Variants in RBM27 observed in about 807,000 individuals in gnomAD.
RBM27 encodes the protein RNA binding motif protein 27, also known as RNA-binding protein 27.
Under a neutral mutation model 135.3 loss-of-function variants are expected in RBM27, and 22 were observed. The observed-to-expected ratio is 0.16, with a 90% confidence interval of 0.12 to 0.23. RBM27 has a LOEUF of 0.23. Among genes scored for constraint, RBM27 ranks in the 10% least tolerant of loss-of-function variants. The pLI is 1.00. For missense variants in RBM27, 1,009 were observed against 1,281.0 expected (o/e 0.79, Z 3.24); for synonymous variants, 481 against 442.4 (o/e 1.09, Z -1.10).
At chr5:146,243,080 A>G (rs1757475902) in intron 8 of RBM27, among the ~76,000 whole-genome samples, 1 of 151,906 alleles carries the variant, frequency 6.6e-6, no homozygotes, top group Non-Finnish European at 1.5e-5. Context: ...AGCGTGGTCA[A>G]CATGGTGAAA....
At chr5:146,206,724 G>C (rs970733092) in intron 1 of RBM27, among the ~76,000 whole-genome samples, 2 of 151,984 alleles carry the variant, frequency 1.3e-5, no homozygotes, top group African/African-American at 4.8e-5. Flanking sequence ...GGGATTACAG[G>C]CACTTGCCAC....
intron 12 of RBM27, 198 bp from the exon 13 acceptor site, chr5:146,261,311 AC>A: frequency 3.3e-6 from 2 of 608,882 alleles, no homozygotes; most frequent in Non-Finnish European, 5.8e-6. Flanking sequence ...GGCCACCGAT[AC>A]TATTCATTAG....
intron 8 of RBM27, among the ~76,000 whole-genome samples, chr5:146,240,090 A>G (rs1486685125): frequency 2.6e-5 from 4 of 151,918 alleles, no homozygotes; most frequent in South Asian, 2.1e-4. Flanking sequence ...AACTCTTTCA[A>G]TAGTCTACCT....
chr5:146,271,507 G>T lies in RBM27; in HGVS notation c.2821G>T (p.Val941Leu), dbSNP rs764117376. The T allele has an allele frequency of 6.2e-7, 1 of 1,613,132 alleles. No homozygotes were observed. Among genetic ancestry groups the T allele is most frequent in the Admixed American group, 1.7e-5 (1 of 59,984 alleles). The change falls in exon 19 of 21, where the codon GTG (valine) becomes TTG (leucine). Residue 941 changes from valine (V) to leucine (L), a missense_variant. Physicochemically the swap from Val to Leu is conservative, Grantham distance 32. Around this residue, in one of 6 missense-constraint regions of RBM27, gnomAD observed 355 missense variants for 427.3 expected, o/e 0.83. Transcript: ENST00000265271. ...GGCTGCACGGTTAGGTATTTTACCT[G>T]TGGGTCGAGGAAAGACCATGTCCTC... The part of the protein sequence containing the change: ...VEAARLGILP[V>L]GRGKTMSSQG...
chr5:146,237,442 T>C lies in RBM27; in HGVS notation c.1279+10T>C, dbSNP rs1757217547. The C allele has an allele frequency of 6.2e-7, 1 of 1,613,640 alleles. No homozygotes were observed. The highest frequency in any genetic ancestry group is 8.5e-7 in the Non-Finnish European group (1 of 1,179,576). On this transcript the variant is annotated intron_variant, in intron 8 of 20. Transcript: ENST00000265271. Reference sequence around the variant, plus strand: ...TACACAGTATCAGAACGTAAGTACATGTTGTTTGACTTAAAATTGACAGGG... The same window carrying C: ...TACACAGTATCAGAACGTAAGTACACGTTGTTTGACTTAAAATTGACAGGG...
At chr5:146,240,993 C>CG (rs1421901983) in intron 8 of RBM27, among the ~76,000 whole-genome samples, 3 of 152,060 alleles carry the variant, frequency 2.0e-5, no homozygotes, top group Non-Finnish European at 4.4e-5. Context: ...CAATTTATAG[C>CG]GGAGCCTCTT....
At position 146,288,039 on chromosome 5, in the gene RBM27, A is replaced by G. The variant is rs1001149047; in HGVS notation, c.*2009A>G. ...TACAAAGTTTTTTCTTAAACTGTAT[A>G]ATTTTGTAAATAATTTGTTTGGGTT... is the stretch of plus-strand genomic sequence containing the variant. On this transcript the variant is annotated 3_prime_UTR_variant, in exon 21 of 21. Coordinates refer to ENST00000265271, the MANE Select transcript of RBM27 (RefSeq NM_018989.2). 3.9e-5 allele frequency: 6 copies of G among 151,954 alleles called. No homozygotes were observed. The highest frequency in any genetic ancestry group is 5.9e-5 in the Non-Finnish European group (4 of 67,938). 9.4% of individuals were successfully genotyped at this position (151,954 alleles called of 1,614,324 possible).
At chr5:146,284,083 G>C (rs1278374390) in intron 19 of RBM27, among the ~76,000 whole-genome samples, 1 of 152,182 alleles carries the variant, frequency 6.6e-6, no homozygotes, top group Non-Finnish European at 1.5e-5. Context: ...TATGAGTTAG[G>C]ATAGTATTAG....
intron 1 of RBM27, among the ~76,000 whole-genome samples, chr5:146,205,863 A>G (rs1030450185): frequency 1.3e-5 from 2 of 152,062 alleles, no homozygotes; most frequent in African/African-American, 4.8e-5. Flanking sequence ...TACTGAAAGT[A>G]TAAAAATTAA....
chr5:146,284,549 AT>A, intron 19 of RBM27, 72 bp from the exon 20 acceptor site: 1 of 957,934 alleles, frequency 1.0e-6, no homozygotes, highest in Admixed American at 1.9e-5. Flanking sequence ...TACTTTTTAA[AT>A]AACACAGAAT....
At chr5:146,271,119 G>T in intron 18 of RBM27, 61 bp downstream of exon 18, 1 of 1,319,622 alleles carries the variant, frequency 7.6e-7, no homozygotes, top group South Asian at 1.2e-5. Context: ...GTTTTCCTTT[G>T]ACCGGGCGCG....
At chr5:146,262,902 T>A (rs1758458060) in intron 13 of RBM27, among the ~76,000 whole-genome samples, 1 of 151,950 alleles carries the variant, frequency 6.6e-6, no homozygotes, top group Non-Finnish European at 1.5e-5. Flanking sequence ...TTTTTTTTTT[T>A]TTTGAGACAG....
At chr5:146,264,380 T>A (rs1758526960) in intron 14 of RBM27, among the ~76,000 whole-genome samples, 1 of 151,888 alleles carries the variant, frequency 6.6e-6, no homozygotes, top group African/African-American at 2.4e-5. Flanking sequence ...ATGGGGTTTC[T>A]CCATGTTGGT....
chr5:146,225,493 A>G (rs774275940), intron 3 of RBM27, among the ~76,000 whole-genome samples: 5 of 152,062 alleles, frequency 3.3e-5, no homozygotes, highest in South Asian at 4.2e-4. Context: ...AGTTCTTTCA[A>G]AATTGGAGAG....
intron 5 of RBM27, 44 bp downstream of exon 5, chr5:146,229,954 C>G: frequency 6.2e-7 from 1 of 1,601,542 alleles, no homozygotes; most frequent in Non-Finnish European, 8.5e-7. Context: ...AGTTATTTAT[C>G]TGTCTCTATC....
At chr5:146,257,635 A>G (rs966362127) in intron 10 of RBM27, among the ~76,000 whole-genome samples, 6 of 152,204 alleles carry the variant, frequency 3.9e-5, no homozygotes, top group African/African-American at 1.2e-4. Context: ...AGACAGTCCT[A>G]TATAAGCACA....
At chr5:146,251,643 A>G in intron 8 of RBM27, 68 bp from the exon 9 acceptor site, 3 of 1,436,466 alleles carry the variant, frequency 2.1e-6, no homozygotes, top group South Asian at 1.2e-5. Flanking sequence ...GTCTCAGGAA[A>G]CACATCATCA....
intron 6 of RBM27, among the ~76,000 whole-genome samples, chr5:146,231,204 A>G (rs986265457): frequency 6.6e-6 from 1 of 152,026 alleles, no homozygotes; most frequent in African/African-American, 2.4e-5. Context: ...CTACACTCCC[A>G]CTGACTTCTA....
intron 19 of RBM27, among the ~76,000 whole-genome samples, chr5:146,283,145 CA>C (rs1759433597): frequency 6.6e-6 from 1 of 151,966 alleles, no homozygotes; most frequent in African/African-American, 2.4e-5. Flanking sequence ...AAGAAATGAA[CA>C]AAACAAGCAG....
Sources: allele counts gnomAD v4.1 joint callset (sites outside exome capture counted in the v4.1 genomes callset), GRCh38; gene constraint gnomAD v4.1.1; regional missense constraint gnomAD v4.1.1; transcripts MANE v1.5; gene names NCBI Gene and HGNC (gene_info 2026-07-23, HGNC 2026-07-21).